ZFPM2: variants seen among roughly 807,000 people sequenced by gnomAD.
ZFPM2 encodes zinc finger protein ZFPM2.
ZFPM2 carries 20 observed loss-of-function variants against 98.6 expected under a neutral mutation model. The observed-to-expected ratio is 0.20, with a 90% CI of 0.14 to 0.29. The LOEUF (loss-of-function observed/expected upper bound fraction) is 0.29, where lower values mean the gene tolerates loss of function less well. ZFPM2 is among the 10% of genes least tolerant of loss of function. The probability of loss-of-function intolerance (pLI) is 1.00; values close to 1 mark genes in which losing one functional copy is unlikely to be tolerated. For synonymous variants in ZFPM2, 518 were observed against 502.7 expected, an observed-to-expected ratio of 1.03 and a Z score of -0.41; for missense variants, 1,310 against 1,388.6, an observed-to-expected ratio of 0.94 and a Z score of 0.90.
chr8:105,734,170 C>CT (rs1245879057), intron 5 of ZFPM2, among the ~76,000 whole-genome samples: 3 of 151,834 alleles, frequency 2.0e-5, no homozygotes, highest in Non-Finnish European at 4.4e-5. Context: ...AAAATTATGT[C>CT]TTCTGCATAA....
intron 1 of ZFPM2, among the ~76,000 whole-genome samples, chr8:105,330,627 TA>T (rs1812213480): frequency 1.2e-5 from 1 of 82,200 alleles, no homozygotes; most frequent in Non-Finnish European, 2.6e-5. Context: ...TATATATATA[TA>T]TATACATATA....
chr8:105,489,607 G>C (rs62527188), intron 3 of ZFPM2, among the ~76,000 whole-genome samples: 70,972 of 150,336 alleles, frequency 0.47, 17,334 homozygotes, highest in East Asian at 0.65. Flanking sequence ...GGGATTGCAG[G>C]TGCATGCCAC....
intron 3 of ZFPM2, among the ~76,000 whole-genome samples, chr8:105,447,655 G>A (rs973559827): frequency 6.6e-6 from 1 of 152,078 alleles, no homozygotes; most frequent in Non-Finnish European, 1.5e-5. Context: ...CACCCTAAGA[G>A]AGATGATTTT....
At chr8:105,568,733 C>A (rs1447613220) in intron 4 of ZFPM2, among the ~76,000 whole-genome samples, 1 of 152,098 alleles carries the variant, frequency 6.6e-6, no homozygotes, top group Non-Finnish European at 1.5e-5. Flanking sequence ...ACAGTAGTCA[C>A]TTAACTCCTG....
In ZFPM2 at chr8:105,330,601, T is replaced by TATATAC. The variant is rs1488776480; in HGVS notation, c.40+11625_40+11626insCATATA. ...ATATACATATATATATATACATATA[T>TATATAC]ATATATATACACATATATATATATA... is the stretch of plus-strand genomic sequence containing the variant. On this transcript the variant is annotated intron_variant, in intron 1 of 7. Transcript: ENST00000407775. 2.2e-3 allele frequency among the ~76,000 whole-genome samples: 61 copies of TATATAC among 27,190 alleles called. 2 individuals are homozygous for TATATAC. Among genetic ancestry groups the TATATAC allele is most frequent in the African/African-American group, 0.01 (53 of 5,096 alleles). 17.8% of individuals were successfully genotyped at this position (27,190 alleles called of 152,430 possible).
At chr8:105,752,294 A>T (rs1458557863) in intron 5 of ZFPM2, among the ~76,000 whole-genome samples, 4 of 152,170 alleles carry the variant, frequency 2.6e-5, no homozygotes, top group Non-Finnish European at 2.9e-5. Flanking sequence ...AAATGGCAGT[A>T]GTTTTCTAAA....
chr8:105,421,232 ATAT>A (rs567413070), intron 2 of ZFPM2, among the ~76,000 whole-genome samples: 1 of 152,124 alleles, frequency 6.6e-6, no homozygotes, highest in Non-Finnish European at 1.5e-5. Flanking sequence ...GATTCAGTAG[ATAT>A]TATTATTAAT....
At chr8:105,652,860 T>C (rs1817208260) in intron 5 of ZFPM2, among the ~76,000 whole-genome samples, 1 of 152,192 alleles carries the variant, frequency 6.6e-6, no homozygotes, top group Non-Finnish European at 1.5e-5. Context: ...TACTCTGTGG[T>C]CTCAATTCCA....
intron 5 of ZFPM2, among the ~76,000 whole-genome samples, chr8:105,708,128 A>G (rs1325129434): frequency 2.6e-5 from 4 of 152,180 alleles, no homozygotes; most frequent in Admixed American, 1.3e-4. Context: ...AGCCACAAGT[A>G]TGATCCACTA....
chr8:105,425,748 T>C (rs1811894063), intron 2 of ZFPM2, among the ~76,000 whole-genome samples: 1 of 152,182 alleles, frequency 6.6e-6, no homozygotes, highest in Admixed American at 6.5e-5. Context: ...CAAATCTAAG[T>C]TAAGGTTATT....
chr8:105,495,716 G>A lies in ZFPM2; in HGVS notation c.301+51335G>A, dbSNP rs192150498. ...CCTTTTTGTCAGTTAACATTTCATC[G>A]TTTTTTTCTGAAGAAGAAGAAGAAG... On this transcript the variant is annotated intron_variant, in intron 3 of 7. Coordinates refer to ENST00000407775, the MANE Select transcript of ZFPM2 (RefSeq NM_012082.4). Among the ~76,000 whole-genome samples, 1,342 of 151,978 alleles carry A rather than the reference G, an allele frequency of 8.8e-3. 27 individuals are homozygous for A. The highest frequency in any genetic ancestry group is 0.029 in the African/African-American group (1,200 of 41,444).
chr8:105,581,311 G>A (rs1815592415), intron 4 of ZFPM2, among the ~76,000 whole-genome samples: 2 of 152,134 alleles, frequency 1.3e-5, no homozygotes, highest in South Asian at 4.1e-4. Flanking sequence ...GCCAAAGAAT[G>A]AATGAATCAA....
intron 3 of ZFPM2, among the ~76,000 whole-genome samples, chr8:105,502,209 GT>G (rs139999825): frequency 0.37 from 55,797 of 151,784 alleles, 12,113 homozygotes; most frequent in African/African-American, 0.61. Context: ...TTGAGGATAA[GT>G]TTTTTTTAAA....
chr8:105,463,903 G>A (rs1812748610), intron 3 of ZFPM2, among the ~76,000 whole-genome samples: 1 of 151,998 alleles, frequency 6.6e-6, no homozygotes, highest in Non-Finnish European at 1.5e-5. Context: ...TATTGTAAGT[G>A]AACTCTTGAA....
chr8:105,599,285 T>C (rs908643220), intron 4 of ZFPM2, among the ~76,000 whole-genome samples: 3 of 151,850 alleles, frequency 2.0e-5, no homozygotes, highest in African/African-American at 7.3e-5. Flanking sequence ...GTCTTTATGA[T>C]TATTTTAGTT....
intron 5 of ZFPM2, among the ~76,000 whole-genome samples, chr8:105,704,147 A>G (rs1378916100): frequency 1.3e-5 from 2 of 152,194 alleles, no homozygotes; most frequent in Non-Finnish European, 2.9e-5. Context: ...ATTTGGAATC[A>G]GAGGACTAAG....
chr8:105,514,437 G>A (rs548441875), intron 3 of ZFPM2, among the ~76,000 whole-genome samples: 46 of 149,906 alleles, frequency 3.1e-4, no homozygotes, highest in African/African-American at 8.3e-4. Flanking sequence ...TAACCTTGAT[G>A]TATCTAGCAT....
At chr8:105,397,693 G>A (rs1445331884) in intron 1 of ZFPM2, among the ~76,000 whole-genome samples, 1 of 152,064 alleles carries the variant, frequency 6.6e-6, no homozygotes, top group Non-Finnish European at 1.5e-5. Context: ...TGACAATTAA[G>A]TTTTATTAAA....
chr8:105,781,754 C>G (rs1313493268), intron 5 of ZFPM2, among the ~76,000 whole-genome samples: 2 of 152,216 alleles, frequency 1.3e-5, no homozygotes, highest in African/African-American at 4.8e-5. Context: ...GGAGTCACTT[C>G]CACATCACAC....
Sources: gnomAD v4.1 joint callset for allele counts (sites outside exome capture counted in the v4.1 genomes callset) on GRCh38, gnomAD v4.1.1 for gene constraint, MANE v1.5 for transcripts, NCBI Gene and HGNC (gene_info 2026-07-23, HGNC 2026-07-21) for gene names.